ARHGAP44: variants seen among roughly 807,000 people sequenced by gnomAD.
ARHGAP44 encodes Rho GTPase activating protein 44, also known as rho GTPase-activating protein 44.
In ARHGAP44, 43 loss-of-function variants were observed where a neutral mutation model predicts 106.8. The observed-to-expected ratio is 0.40, with a 90% CI of 0.32 to 0.52. The LOEUF (loss-of-function observed/expected upper bound fraction) is 0.52, where lower values mean the gene tolerates loss of function less well. ARHGAP44 is among the 20% of genes least tolerant of loss of function. The pLI is 0.48. For synonymous variants in ARHGAP44, 439 were observed against 410.3 expected (o/e 1.07, Z -0.85); for missense variants, 866 against 1,050.5 (o/e 0.82, Z 2.43).
intron 1 of ARHGAP44, among the ~76,000 whole-genome samples, chr17:12,822,905 C>G (rs1284906432): frequency 6.6e-6 from 1 of 152,138 alleles, no homozygotes; most frequent in Admixed American, 6.6e-5. Flanking sequence ...TGGTGGTGGT[C>G]CTAGGCAGAG....
intron 17 of ARHGAP44, chr17:12,973,869 C>T (rs982459658): frequency 6.8e-6 from 4 of 586,912 alleles, no homozygotes; most frequent in African/African-American, 1.9e-5. Context: ...GTGAGGGGGC[C>T]GCTCTTGCCA....
intron 1 of ARHGAP44, among the ~76,000 whole-genome samples, chr17:12,876,326 C>G (rs921920879): frequency 7.2e-5 from 11 of 152,208 alleles, no homozygotes; most frequent in Non-Finnish European, 1.5e-4. Context: ...GGGTACTCTT[C>G]CCTCACTCCC....
intron 1 of ARHGAP44, among the ~76,000 whole-genome samples, chr17:12,792,324 G>A (rs2033788630): frequency 6.6e-6 from 1 of 152,086 alleles, no homozygotes; most frequent in Non-Finnish European, 1.5e-5. Context: ...TGATTGAAAC[G>A]CTTTTATTTT....
In ARHGAP44 at chr17:12,903,126, G is replaced by GA. The variant is rs57334058; in HGVS notation, c.199-5771_199-5770insA. Among the ~76,000 whole-genome samples the GA allele has an allele frequency of 7.2e-3, 504 of 70,112 alleles. 3 individuals are homozygous for GA. The highest frequency in any genetic ancestry group is 0.027 in the East Asian group (36 of 1,336). The allele number at this position is 70,112 out of a possible 152,430, so 46.0% of individuals were successfully genotyped here. On this transcript the variant is annotated intron_variant, in intron 3 of 20. Transcript: ENST00000379672. ...AGAGAGAGAGAGAGAGAGAGAGAGA[G>GA]GAGAGAGAGAGAGAGTGTGTGTGTG...
intron 1 of ARHGAP44, chr17:12,790,746 G>A (rs1243007432): frequency 1.3e-5 from 2 of 152,164 alleles, no homozygotes; most frequent in East Asian, 3.9e-4. Flanking sequence ...ATCTATTAAG[G>A]TTACATAAAA....
intron 17 of ARHGAP44, 129 bp from the exon 18 acceptor site, chr17:12,973,960 C>T: frequency 9.8e-7 from 1 of 1,018,226 alleles, no homozygotes; most frequent in Non-Finnish European, 1.5e-6. Context: ...GCATCGCTTC[C>T]CGGGCCCCCG....
intron 16 of ARHGAP44, among the ~76,000 whole-genome samples, chr17:12,960,187 C>T (rs976662286): frequency 2.6e-5 from 4 of 152,074 alleles, no homozygotes; most frequent in African/African-American, 9.7e-5. Context: ...TTATTGTTCT[C>T]CACTTAGTGG....
chr17:12,975,795 CAAA>C (rs57364760), intron 18 of ARHGAP44, among the ~76,000 whole-genome samples: 82 of 69,406 alleles, frequency 1.2e-3, no homozygotes, highest in African/African-American at 4.6e-3. Flanking sequence ...GACTCCGTCT[CAAA>C]AAAAAAAAAA....
chr17:12,885,095 T>C (rs551792808), intron 1 of ARHGAP44, among the ~76,000 whole-genome samples: 2 of 152,250 alleles, frequency 1.3e-5, no homozygotes, highest in East Asian at 3.9e-4. Flanking sequence ...GAGATGGGGT[T>C]TCACCATATT....
chr17:12,952,012 T>A (rs2039002766), intron 12 of ARHGAP44, among the ~76,000 whole-genome samples: 2 of 152,104 alleles, frequency 1.3e-5, no homozygotes, highest in African/African-American at 4.8e-5. Context: ...TGCCATAAGA[T>A]GGGACATCCG....
chr17:12,811,088 G>A (rs1472284235), intron 1 of ARHGAP44, among the ~76,000 whole-genome samples: 8 of 152,148 alleles, frequency 5.3e-5, no homozygotes, highest in African/African-American at 1.4e-4. Context: ...TGAGACGGGC[G>A]GATCACGAGG....
intron 3 of ARHGAP44, among the ~76,000 whole-genome samples, chr17:12,897,776 A>G (rs559921860): frequency 7.4e-6 from 1 of 135,020 alleles, no homozygotes; most frequent in South Asian, 2.4e-4. Flanking sequence ...AAAGTACAGT[A>G]TGTTTTGGTA....
intron 1 of ARHGAP44, among the ~76,000 whole-genome samples, chr17:12,852,277 C>CTT (rs66824907): frequency 0.017 from 1,280 of 73,540 alleles, 53 homozygotes; most frequent in East Asian, 0.053. Flanking sequence ...ACTTTTGAAG[C>CTT]TTTTTTTTTT....
At chr17:12,967,022 TTTTTTTCTCC>T (rs1299140146) in intron 16 of ARHGAP44, among the ~76,000 whole-genome samples, 3 of 152,020 alleles carry the variant, frequency 2.0e-5, no homozygotes, top group East Asian at 3.9e-4. Context: ...TATTTTGGCT[TTTTTTTCTCC>T]TTTTTTCTCC....
intron 3 of ARHGAP44, among the ~76,000 whole-genome samples, chr17:12,907,301 C>T (rs1319347202): frequency 1.3e-5 from 2 of 152,140 alleles, no homozygotes; most frequent in Non-Finnish European, 2.9e-5. Flanking sequence ...GCCTGGGGAA[C>T]GGATCATGCT....
At position 12,906,324 on chromosome 17, in the gene ARHGAP44, A is replaced by C. The variant is rs145890634; in HGVS notation, c.199-2573A>C. ...ACACCAGGTGTATGTCTTGCAATTT[A>C]TTCTGACACTGTATACCTGGAGTTG... On this transcript the variant is annotated intron_variant, in intron 3 of 20. Transcript: ENST00000379672. Among the ~76,000 whole-genome samples the C allele has an allele frequency of 5.6e-3, 857 of 152,288 alleles. 8 individuals are homozygous for C. Among genetic ancestry groups the C allele is most frequent in the African/African-American group, 0.019 (789 of 41,558 alleles).
chr17:12,928,088 C>T lies in ARHGAP44; in HGVS notation c.465-841C>T, dbSNP rs186302402. On this transcript the variant is annotated intron_variant, in intron 6 of 20. Coordinates refer to ENST00000379672, the MANE Select transcript of ARHGAP44 (RefSeq NM_014859.6). Reference sequence around the variant, plus strand: ...TGGTAATTCCCTGCTGATAACACAGCAGCCAGAAATATTTGTATTTCCTCC... The same window carrying T: ...TGGTAATTCCCTGCTGATAACACAGTAGCCAGAAATATTTGTATTTCCTCC... 4.7e-3 allele frequency among the ~76,000 whole-genome samples: 723 copies of T among 152,288 alleles called. 3 individuals are homozygous for T. The highest frequency in any genetic ancestry group is 8.1e-3 in the Non-Finnish European group (550 of 68,028).
Position 12,871,853 on chromosome 17 carries a change from T to G in ARHGAP44, c.54-23087T>G, listed in dbSNP as rs146959862. Among the ~76,000 whole-genome samples, 803 of 152,228 alleles carry G rather than the reference T, an allele frequency of 5.3e-3. 11 individuals are homozygous for G. The highest frequency in any genetic ancestry group is 0.019 in the African/African-American group (775 of 41,542). On this transcript the variant is annotated intron_variant, in intron 1 of 20. Transcript: ENST00000379672. ...CCTGTTTCCCCTTCACCTTCTACCATGATTGTAAGTTTCCTGAAGCCTCCC... is the reference window on the plus strand; with the variant it reads ...CCTGTTTCCCCTTCACCTTCTACCAGGATTGTAAGTTTCCTGAAGCCTCCC...
At chr17:12,844,974 CGA>C (rs2035522513) in intron 1 of ARHGAP44, among the ~76,000 whole-genome samples, 1 of 151,924 alleles carries the variant, frequency 6.6e-6, no homozygotes, top group Non-Finnish European at 1.5e-5. Context: ...CCACATTTGC[CGA>C]GAGTTAGGCT....
Sources: allele counts gnomAD v4.1 joint callset (sites outside exome capture counted in the v4.1 genomes callset), GRCh38; gene constraint gnomAD v4.1.1; transcripts MANE v1.5; gene names NCBI Gene and HGNC (gene_info 2026-07-23, HGNC 2026-07-21).